HEG1: variants seen among roughly 807,000 people sequenced by gnomAD.
The protein encoded by HEG1 is protein HEG homolog 1.
A neutral mutation model predicts 125.6 loss-of-function variants in HEG1; 56 were observed. The observed-to-expected ratio is 0.45, with a 90% CI of 0.36 to 0.56. The LOEUF is 0.56. Ranked by LOEUF, HEG1 falls within the 20% of genes least tolerant of loss-of-function variation. HEG1 has a pLI of 0.00. For missense variants in HEG1, 1,523 were observed against 1,670.0 expected, an observed-to-expected ratio of 0.91 and a Z score of 1.53; for synonymous variants, 644 against 668.5, an observed-to-expected ratio of 0.96 and a Z score of 0.57.
intron 6 of HEG1, 143 bp downstream of exon 6, chr3:125,012,480 T>C (rs764237232): frequency 6.3e-5 from 52 of 830,102 alleles, no homozygotes; most frequent in Non-Finnish European, 9.4e-5. Flanking sequence ...AGTGTTTCAA[T>C]AGGAAGCATT....
chr3:125,054,217 G>GT (rs1937877431), intron 1 of HEG1, among the ~76,000 whole-genome samples: 1 of 152,228 alleles, frequency 6.6e-6, no homozygotes, highest in South Asian at 2.1e-4. Context: ...AGCGTATGCT[G>GT]TAAGTAATCT....
intron 14 of HEG1, among the ~76,000 whole-genome samples, chr3:124,979,412 T>C (rs948146740): frequency 6.6e-6 from 1 of 152,208 alleles, no homozygotes; most frequent in Non-Finnish European, 1.5e-5. Context: ...AGCTCCTCAA[T>C]AGATACACAT....
intron 14 of HEG1, among the ~76,000 whole-genome samples, chr3:124,985,702 C>T (rs548906875): frequency 6.6e-6 from 1 of 152,290 alleles, no homozygotes; most frequent in East Asian, 1.9e-4. Flanking sequence ...TGCAGGCCTG[C>T]GCTGCCCAGG....
intron 1 of HEG1, among the ~76,000 whole-genome samples, chr3:125,035,444 C>A (rs1449312264): frequency 6.6e-6 from 1 of 152,018 alleles, no homozygotes; most frequent in Non-Finnish European, 1.5e-5. Flanking sequence ...ATCATCTATA[C>A]AAGGTGACAA....
intron 9 of HEG1, among the ~76,000 whole-genome samples, chr3:125,002,930 T>C (rs1394665268): frequency 6.6e-6 from 1 of 152,210 alleles, no homozygotes; most frequent in Non-Finnish European, 1.5e-5. Flanking sequence ...GCTTCCCTGC[T>C]ACCCTGCACA....
In HEG1 at chr3:125,029,122, G is replaced by C. The variant is rs1937457938; in HGVS notation, c.610+73C>G. 17 of 1,484,962 alleles carry C rather than the reference G, an allele frequency of 1.1e-5. No individual in the cohort carries two copies. The South Asian group carries it at 2.1e-4, about 18-fold the overall frequency. 92.0% of individuals were successfully genotyped at this position (1,484,962 alleles called of 1,614,324 possible). A position where few individuals can be genotyped will look rare whatever the true frequency, so the allele number is the denominator to read the frequency against. On this transcript the variant is annotated intron_variant, in intron 2 of 16. Coordinates refer to ENST00000311127, the MANE Select transcript of HEG1 (RefSeq NM_020733.2). ...CACAATGGCTCAGAATGGGGTTGTG[G>C]GGAATGGCAGAAACTTTGTTTTCCA... is the stretch of plus-strand genomic sequence containing the variant.
At chr3:124,990,732 TAAC>T in intron 14 of HEG1, 52 bp downstream of exon 14, 4 of 1,522,166 alleles carry the variant, frequency 2.6e-6, no homozygotes, top group South Asian at 1.2e-5. Context: ...ACCTGTGCAC[TAAC>T]AACAGGGCCA....
chr3:125,053,258 T>C (rs1043978511), intron 1 of HEG1, among the ~76,000 whole-genome samples: 10 of 152,220 alleles, frequency 6.6e-5, no homozygotes, highest in Non-Finnish European at 1.5e-4. Context: ...AAATGAGTGA[T>C]AGCATCTAGT....
intron 1 of HEG1, among the ~76,000 whole-genome samples, chr3:125,045,108 G>A (rs187921160): frequency 6.6e-6 from 1 of 152,350 alleles, no homozygotes; most frequent in East Asian, 1.9e-4. Flanking sequence ...AGGTCTTAGA[G>A]GAGGAAGAGA....
At chr3:125,040,337 A>C (rs1181528618) in intron 1 of HEG1, among the ~76,000 whole-genome samples, 2 of 152,174 alleles carry the variant, frequency 1.3e-5, no homozygotes, top group Non-Finnish European at 2.9e-5. Context: ...GCAGATGACA[A>C]GGGAAGGATA....
At chr3:125,050,505 C>G (rs543191918) in intron 1 of HEG1, among the ~76,000 whole-genome samples, 16 of 152,336 alleles carry the variant, frequency 1.1e-4, no homozygotes, top group South Asian at 2.1e-4. Flanking sequence ...TCAACTCCCC[C>G]CTTTCCCACT....
chr3:125,008,898 G>A (rs1161268230), intron 8 of HEG1, among the ~76,000 whole-genome samples: 2 of 152,192 alleles, frequency 1.3e-5, no homozygotes, highest in Non-Finnish European at 2.9e-5. Flanking sequence ...TCTAACAAGG[G>A]TCACACCCTG....
chr3:125,001,869 T>C lies in HEG1; in HGVS notation c.3500A>G (p.Gln1167Arg). 6.2e-7 allele frequency: 1 copy of C among 1,613,284 alleles called. No homozygotes were observed. The highest frequency in any genetic ancestry group is 8.5e-7 in the Non-Finnish European group (1 of 1,179,626). The change falls in exon 11 of 17, where the codon CAG becomes CGG. Residue 1167 changes from glutamine to arginine, a missense_variant. By Grantham distance (43) the Gln-to-Arg change is conservative (BLOSUM62 1). Coordinates refer to ENST00000311127, the MANE Select transcript of HEG1 (RefSeq NM_020733.2). ...CCTCTTACCTCTAAAGATCCGCCTC[T>C]GAGATCCCAAGAGCTGGCAGACCTC... Reference protein sequence around the residue: ...SAEVCQLLGSQRRIFRAGSLC... With the variant: ...SAEVCQLLGSRRRIFRAGSLC...
intron 1 of HEG1, among the ~76,000 whole-genome samples, chr3:125,046,023 C>A (rs1937657349): frequency 3.9e-5 from 6 of 152,200 alleles, no homozygotes; most frequent in African/African-American, 1.4e-4. Context: ...GCAGGAAAGT[C>A]TTTATTATCC....
intron 1 of HEG1, among the ~76,000 whole-genome samples, chr3:125,050,868 T>C (rs73859103): frequency 0.065 from 9,824 of 152,254 alleles, 625 homozygotes; most frequent in African/African-American, 0.16. Flanking sequence ...AGGATAGAAA[T>C]GTCTTTGTTT....
chr3:124,984,909 T>C (rs572317369), intron 14 of HEG1, among the ~76,000 whole-genome samples: 8 of 152,284 alleles, frequency 5.3e-5, no homozygotes, highest in African/African-American at 1.7e-4. Context: ...AGTAGGTCCA[T>C]AGAGCAGAAT....
chr3:125,011,715 G>T lies in HEG1; in HGVS notation c.2956+908C>A, dbSNP rs139594511. On this transcript the variant is annotated intron_variant, in intron 6 of 16. Coordinates refer to ENST00000311127, the MANE Select transcript of HEG1 (RefSeq NM_020733.2). Reference sequence around the variant, plus strand: ...AGGTTGGAACTGTGCTGCTCCCTGAGCTTTCTGCTCCAGCCACTACAAAGC... The same window carrying T: ...AGGTTGGAACTGTGCTGCTCCCTGATCTTTCTGCTCCAGCCACTACAAAGC... Among the ~76,000 whole-genome samples the T allele has an allele frequency of 2.9e-3, 442 of 152,254 alleles. 2 individuals are homozygous for T. Among genetic ancestry groups the T allele is most frequent in the African/African-American group, 0.01 (427 of 41,552 alleles).
At chr3:124,980,688 T>C (rs1240456918) in intron 14 of HEG1, among the ~76,000 whole-genome samples, 2 of 152,052 alleles carry the variant, frequency 1.3e-5, no homozygotes, top group Admixed American at 6.6e-5. Context: ...AGCTAATTTT[T>C]TGGCATTTTT....
At chr3:125,026,081 A>G (rs1281526222) in intron 3 of HEG1, among the ~76,000 whole-genome samples, 1 of 152,212 alleles carries the variant, frequency 6.6e-6, no homozygotes, top group Non-Finnish European at 1.5e-5. Flanking sequence ...TTTTCCAAGA[A>G]CATTTCCAAC....
Sources: gnomAD v4.1 joint callset for allele counts (sites outside exome capture counted in the v4.1 genomes callset) on GRCh38, gnomAD v4.1.1 for gene constraint, MANE v1.5 for transcripts, NCBI Gene and HGNC (gene_info 2026-07-23, HGNC 2026-07-21) for gene names.